Variants in MCMBP observed in about 807,000 individuals in gnomAD.
The protein encoded by MCMBP is minichromosome maintenance complex binding protein.
Under a neutral mutation model 81.3 loss-of-function variants are expected in MCMBP, and 31 were observed. That is an observed-to-expected ratio of 0.38 (90% CI 0.29 to 0.51). The LOEUF (loss-of-function observed/expected upper bound fraction) is 0.51, where lower values mean the gene tolerates loss of function less well. Ranked by LOEUF, MCMBP falls within the 20% of genes least tolerant of loss-of-function variation. The probability of loss-of-function intolerance (pLI) is 0.87; values close to 1 mark genes in which losing one functional copy is unlikely to be tolerated. For missense variants in MCMBP, 645 were observed against 772.1 expected, an observed-to-expected ratio of 0.84 and a Z score of 1.95; for synonymous variants, 267 against 275.9, an observed-to-expected ratio of 0.97 and a Z score of 0.32.
At chr10:119,852,928 G>T in intron 6 of MCMBP, 122 bp downstream of exon 6, 3 of 1,200,264 alleles carry the variant, frequency 2.5e-6, no homozygotes, top group East Asian at 2.4e-5. Context: ...CTCTCAACAT[G>T]TCTGTAACTC....
At chr10:119,843,114 C>CGA (rs1295366823) in intron 9 of MCMBP, 140 bp downstream of exon 9, 1 of 931,732 alleles carries the variant, frequency 1.1e-6, no homozygotes, top group East Asian at 2.6e-5. Context: ...AATGGGGCAA[C>CGA]GAGAGAGAGA....
At chr10:119,865,296 T>C (rs1044484156) in intron 1 of MCMBP, among the ~76,000 whole-genome samples, 1 of 152,196 alleles carries the variant, frequency 6.6e-6, no homozygotes, top group Non-Finnish European at 1.5e-5. Flanking sequence ...ACAACCTTTC[T>C]TAAAAACATT....
Position 119,836,925 on chromosome 10 carries a change from T to C in MCMBP, c.1513A>G (p.Ile505Val), listed in dbSNP as rs917356151. The C allele has an allele frequency of 6.2e-7, 1 of 1,612,810 alleles. No homozygotes were observed. The highest frequency in any genetic ancestry group is 1.3e-5 in the African/African-American group (1 of 74,820). The change falls in exon 13 of 16, where the codon ATT becomes GTT. Residue 505 changes from isoleucine (I) to valine (V), a missense_variant. Physicochemically the swap from Ile to Val is conservative, Grantham distance 29 (BLOSUM62 3). Coordinates refer to ENST00000369077, the MANE Select transcript of MCMBP (RefSeq NM_001256378.2). ...MEFPCNINVF[I>V]TSEGRSLLPA... is the part of the protein sequence containing the mutation. ...AGGAGTGACCTCCCCTCCGAAGTAA[T>C]GAAAACGTTAATATTGCAGGGGAAT... is the stretch of plus-strand genomic sequence containing the variant.
At chr10:119,838,476 T>C (rs969718026) in intron 12 of MCMBP, 59 bp downstream of exon 12, 2 of 1,519,880 alleles carry the variant, frequency 1.3e-6, no homozygotes, top group African/African-American at 2.8e-5. Context: ...AAGTTATTCC[T>C]AGATCTGGCT....
At chr10:119,832,838 A>G (rs1395168674) in intron 14 of MCMBP, among the ~76,000 whole-genome samples, 1 of 152,228 alleles carries the variant, frequency 6.6e-6, no homozygotes, top group Non-Finnish European at 1.5e-5. Context: ...ACTGGGTAAC[A>G]GCTGCGGCAG....
At chr10:119,865,803 C>T (rs1853430493) in intron 1 of MCMBP, among the ~76,000 whole-genome samples, 1 of 151,826 alleles carries the variant, frequency 6.6e-6, no homozygotes, top group East Asian at 1.9e-4. Flanking sequence ...AGACTGGGTA[C>T]AGTGGCTCAC....
At chr10:119,859,446 A>C (rs182982856) in intron 2 of MCMBP, among the ~76,000 whole-genome samples, 1 of 152,202 alleles carries the variant, frequency 6.6e-6, no homozygotes, top group Non-Finnish European at 1.5e-5. Context: ...CATTCAGAAC[A>C]CTTTTCAATG....
In MCMBP at chr10:119,868,971, T is replaced by TG. The variant is rs1853569209; in HGVS notation, c.58+3555_58+3556insC. 2.0e-5 allele frequency among the ~76,000 whole-genome samples: 3 copies of TG among 152,254 alleles called. No homozygotes were observed. In the East Asian group the frequency reaches 5.8e-4, roughly 29 times the overall value. ...GGCAAGGGTGGAGCCAACAAGGGCCTCATAAACCACTTTAAAAGTCCTGGA... is the reference window on the plus strand; with the variant it reads ...GGCAAGGGTGGAGCCAACAAGGGCCTGCATAAACCACTTTAAAAGTCCTGGA... On this transcript the variant is annotated intron_variant, in intron 1 of 15. Transcript: ENST00000369077.
chr10:119,835,241 T>C (rs1852198343), intron 14 of MCMBP, among the ~76,000 whole-genome samples: 1 of 152,082 alleles, frequency 6.6e-6, no homozygotes, highest in Admixed American at 6.5e-5. Flanking sequence ...TTTTTTTAAA[T>C]TAAAAATAAC....
intron 4 of MCMBP, chr10:119,858,203 G>A (rs1199784322): frequency 6.6e-6 from 1 of 152,120 alleles, no homozygotes; most frequent in Non-Finnish European, 1.5e-5. Context: ...TCTGGAAATG[G>A]GTCAATAAAA....
At chr10:119,835,831 G>C in intron 13 of MCMBP, 127 bp from the exon 14 acceptor site, 1 of 1,020,032 alleles carries the variant, frequency 9.8e-7, no homozygotes, top group Non-Finnish European at 1.4e-6. Context: ...TTAGGGGGAG[G>C]GAATAATGTT....
intron 14 of MCMBP, among the ~76,000 whole-genome samples, chr10:119,833,382 C>A (rs1852115274): frequency 6.6e-6 from 1 of 151,780 alleles, no homozygotes; most frequent in Non-Finnish European, 1.5e-5. Context: ...GTGGCTTACA[C>A]CTGTAATCCC....
intron 13 of MCMBP, among the ~76,000 whole-genome samples, chr10:119,836,607 C>G (rs2134341214): frequency 6.6e-6 from 1 of 152,280 alleles, no homozygotes; most frequent in Middle Eastern, 3.4e-3. Flanking sequence ...ATGTTAAAAT[C>G]AGGCAATCTC....
chr10:119,864,836 T>A (rs1384605695), intron 1 of MCMBP, among the ~76,000 whole-genome samples: 1 of 152,220 alleles, frequency 6.6e-6, no homozygotes, highest in Non-Finnish European at 1.5e-5. Flanking sequence ...TTCATTTTGG[T>A]TTAGTTCACA....
In MCMBP at chr10:119,849,419, T is replaced by C; in HGVS notation, c.726+6A>G. The C allele has an allele frequency of 6.2e-7, 1 of 1,604,532 alleles. No homozygotes were observed. On this transcript the variant is annotated splice_donor_region_variant and intron_variant, in intron 7 of 15. Transcript: ENST00000369077. ...TCAGTGTTGGATCTACGAAAGGTTTTATTACCTTCACAAGGCATGCAGGGC... is the reference window on the plus strand; with the variant it reads ...TCAGTGTTGGATCTACGAAAGGTTTCATTACCTTCACAAGGCATGCAGGGC...
At chr10:119,833,639 C>T (rs1179790287) in intron 14 of MCMBP, among the ~76,000 whole-genome samples, 1 of 152,118 alleles carries the variant, frequency 6.6e-6, no homozygotes, top group East Asian at 1.9e-4. Context: ...ACTTACTATT[C>T]CAGCCTGGGT....
intron 1 of MCMBP, among the ~76,000 whole-genome samples, chr10:119,871,741 T>A (rs1003822156): frequency 6.6e-6 from 1 of 152,200 alleles, no homozygotes; most frequent in African/African-American, 2.4e-5. Context: ...CCGCCACTCA[T>A]TACGTGTAAA....
intron 6 of MCMBP, among the ~76,000 whole-genome samples, chr10:119,852,152 C>CA (rs34142128): frequency 0.027 from 1,459 of 53,098 alleles, 162 homozygotes; most frequent in African/African-American, 0.057. Context: ...AACTCTGTCT[C>CA]AAAAAAAAAA....
intron 14 of MCMBP, 23 bp downstream of exon 14, chr10:119,835,517 C>T: frequency 6.3e-7 from 1 of 1,593,816 alleles, no homozygotes; most frequent in Non-Finnish European, 8.6e-7. Flanking sequence ...ACAGGGAAAT[C>T]CTTTATTTTA....
Sources: allele counts gnomAD v4.1 joint callset (sites outside exome capture counted in the v4.1 genomes callset), GRCh38; gene constraint gnomAD v4.1.1; transcripts MANE v1.5; gene names NCBI Gene and HGNC (gene_info 2026-07-23, HGNC 2026-07-21).